Variants in ANKRD28 observed in about 807,000 individuals in gnomAD.
ANKRD28 encodes ankyrin repeat domain 28.
Under a neutral mutation model 126.5 loss-of-function variants are expected in ANKRD28, and 44 were observed. The ratio of observed to expected loss-of-function variants is 0.35; its 90% CI spans 0.27 to 0.45. The LOEUF (loss-of-function observed/expected upper bound fraction) is 0.45, where lower values mean the gene tolerates loss of function less well. ANKRD28 is among the 20% of genes least tolerant of loss of function. The pLI, the probability that ANKRD28 is intolerant of heterozygous loss-of-function variation, is 1.00. For synonymous variants in ANKRD28, 442 were observed against 468.5 expected, an observed-to-expected ratio of 0.94 and a Z score of 0.73; for missense variants, 1,110 against 1,316.6, an observed-to-expected ratio of 0.84 and a Z score of 2.43.
chr3:15,681,322 C>T (rs530004428), intron 21 of ANKRD28, among the ~76,000 whole-genome samples: 3 of 152,232 alleles, frequency 2.0e-5, no homozygotes, highest in Admixed American at 6.5e-5. Context: ...TTGAATTCAC[C>T]GATGGGGGAC....
chr3:15,824,605 A>T (rs995730996), intron 1 of ANKRD28, among the ~76,000 whole-genome samples: 10 of 152,268 alleles, frequency 6.6e-5, no homozygotes, highest in Non-Finnish European at 5.9e-5. Flanking sequence ...TCTATTTAGC[A>T]TCAGAAAGAA....
At chr3:15,688,989 T>C (rs1375096292) in intron 18 of ANKRD28, among the ~76,000 whole-genome samples, 1 of 152,208 alleles carries the variant, frequency 6.6e-6, no homozygotes, top group Non-Finnish European at 1.5e-5. Context: ...TACTGCATTG[T>C]TTTGTTGATA....
At position 15,778,835 on chromosome 3, in the gene ANKRD28, T is replaced by C. The variant is rs542586047; in HGVS notation, c.202-12523A>G. ...TGTAATAATCCCTACGTGTCAAGGA[T>C]GGGACTAGGTGGAGGTAAATGAATC... On this transcript the variant is annotated intron_variant, in intron 2 of 27. Transcript: ENST00000683139. Among the ~76,000 whole-genome samples the C allele has an allele frequency of 6.6e-5, 10 of 152,308 alleles. No individual in the cohort carries two copies. In the East Asian group the frequency reaches 1.9e-3, roughly 29 times the overall value.
intron 6 of ANKRD28, among the ~76,000 whole-genome samples, chr3:15,726,331 A>G (rs1208698262): frequency 1.3e-5 from 2 of 149,132 alleles, no homozygotes; most frequent in African/African-American, 4.9e-5. Context: ...ATGCAAAAGA[A>G]AAATTCTCCA....
At chr3:15,859,572 C>CCCGG (rs1575840995) in exon 1 of ANKRD28, 2 of 321,076 alleles carry the variant, frequency 6.2e-6, no homozygotes, top group African/African-American at 2.4e-5. Flanking sequence ...GCGCCGCCTC[C>CCCGG]CCGGCCGCCC....
chr3:15,676,041 A>ATGTG (rs1443702366), intron 26 of ANKRD28, 52 bp from the exon 27 acceptor site: 1 of 1,403,260 alleles, frequency 7.1e-7, no homozygotes, highest in South Asian at 1.3e-5. Context: ...GCATGCACAT[A>ATGTG]CACATACACA....
rs1479283866 is a variant in ANKRD28 at position 15,814,923 on chromosome 3, AATAC to A, written c.28-19621_28-19618del. ...TATATACTTTTTTAAAGGTTAGGAT[AATAC>A]ATACATATTATTTAGTAACTTGCTT... On this transcript the variant is annotated intron_variant, in intron 1 of 27. Transcript: ENST00000399451. This position sits in a 1 kb window ranked among gnomAD's most constrained non-coding sequence, Gnocchi z 4.7. Among the ~76,000 whole-genome samples the A allele has an allele frequency of 6.6e-6, 1 of 150,506 alleles. No homozygotes were observed. The highest frequency in any genetic ancestry group is 2.1e-4 in the South Asian group (1 of 4,816).
At chr3:15,768,607 A>G (rs1367471616) in intron 2 of ANKRD28, among the ~76,000 whole-genome samples, 1 of 151,748 alleles carries the variant, frequency 6.6e-6, no homozygotes, top group South Asian at 2.1e-4. Flanking sequence ...AGCTATGACC[A>G]TGCCATTGCA....
intron 2 of ANKRD28, among the ~76,000 whole-genome samples, chr3:15,770,944 C>T (rs1321313310): frequency 6.6e-6 from 1 of 152,176 alleles, no homozygotes; most frequent in Non-Finnish European, 1.5e-5. Flanking sequence ...TTGCATAAAG[C>T]ACTTAACACA....
chr3:15,803,270 C>T (rs1330707875), intron 1 of ANKRD28, among the ~76,000 whole-genome samples: 1 of 152,110 alleles, frequency 6.6e-6, no homozygotes, highest in East Asian at 1.9e-4. Flanking sequence ...CTGCAGTAAT[C>T]CAACAGAGTG....
chr3:15,855,605 C>G (rs2061749235), intron 1 of ANKRD28, among the ~76,000 whole-genome samples: 1 of 152,080 alleles, frequency 6.6e-6, no homozygotes, highest in South Asian at 2.1e-4. Context: ...AAACATGATA[C>G]AAAAATTTAT....
At chr3:15,762,400 T>G (rs2058535501) in intron 3 of ANKRD28, among the ~76,000 whole-genome samples, 3 of 152,102 alleles carry the variant, frequency 2.0e-5, no homozygotes, top group South Asian at 4.1e-4. Context: ...TACTATTTCC[T>G]CAGGGGAGCA....
chr3:15,774,176 A>G (rs2059151726), intron 2 of ANKRD28, among the ~76,000 whole-genome samples: 1 of 152,230 alleles, frequency 6.6e-6, no homozygotes, highest in African/African-American at 2.4e-5. Flanking sequence ...TCCCAAATCT[A>G]AAATTATTAA....
chr3:15,851,056 A>G (rs1039387519), intron 1 of ANKRD28, among the ~76,000 whole-genome samples: 1 of 152,206 alleles, frequency 6.6e-6, no homozygotes, highest in Admixed American at 6.5e-5. Flanking sequence ...GTGGGGGAAA[A>G]CTGAAATGTG....
chr3:15,755,497 G>C (rs2058105709), intron 3 of ANKRD28, among the ~76,000 whole-genome samples: 1 of 152,128 alleles, frequency 6.6e-6, no homozygotes, highest in African/African-American at 2.4e-5. Flanking sequence ...ATACTCCAAA[G>C]TTATCTATAT....
intron 14 of ANKRD28, among the ~76,000 whole-genome samples, chr3:15,699,968 A>T (rs1000960897): frequency 2.6e-5 from 4 of 152,240 alleles, no homozygotes; most frequent in African/African-American, 9.6e-5. Flanking sequence ...TGCAATAGCA[A>T]AGACTTGGAA....
chr3:15,750,697 A>G (rs2057803157), intron 4 of ANKRD28, among the ~76,000 whole-genome samples: 1 of 152,208 alleles, frequency 6.6e-6, no homozygotes, highest in African/African-American at 2.4e-5. Flanking sequence ...GATGTAGTTC[A>G]CAATGAGGAA....
At chr3:15,679,816 T>C (rs2067338401) in intron 21 of ANKRD28, among the ~76,000 whole-genome samples, 1 of 151,932 alleles carries the variant, frequency 6.6e-6, no homozygotes, top group African/African-American at 2.4e-5. Context: ...CATCCATCAA[T>C]TCAACCAACC....
chr3:15,766,006 G>A (rs1575596504), intron 3 of ANKRD28, among the ~76,000 whole-genome samples: 1 of 152,108 alleles, frequency 6.6e-6, no homozygotes, highest in East Asian at 1.9e-4. Flanking sequence ...CCTTATCAGA[G>A]TATAAGCTAC....
Sources: gnomAD v4.1 joint callset for allele counts (sites outside exome capture counted in the v4.1 genomes callset) on GRCh38, gnomAD v4.1.1 for gene constraint, Gnocchi (gnomAD v3.1) non-coding constraint, MANE v1.5 for transcripts, NCBI Gene and HGNC (gene_info 2026-07-23, HGNC 2026-07-21) for gene names.